Variants in TBC1D5 observed in about 807,000 individuals in gnomAD.
TBC1D5 encodes the protein TBC1 domain family member 5, also known as TBC1 domain family, member 5.
Under a neutral mutation model 100.3 loss-of-function variants are expected in TBC1D5, and 75 were observed. The observed-to-expected ratio is 0.75, with a 90% confidence interval of 0.62 to 0.91. The LOEUF (loss-of-function observed/expected upper bound fraction) is 0.91. Among genes scored for constraint, TBC1D5 ranks in the 40% least tolerant of loss-of-function variants. The probability of loss-of-function intolerance (pLI) is 0.00; values close to 1 mark genes in which losing one functional copy is unlikely to be tolerated. For missense variants in TBC1D5, 910 were observed against 942.4 expected (o/e 0.97, Z 0.45); for synonymous variants, 323 against 325.6 (o/e 0.99, Z 0.09).
chr3:17,497,167 T>G (rs2095722117), intron 3 of TBC1D5, among the ~76,000 whole-genome samples: 1 of 150,846 alleles, frequency 6.6e-6, no homozygotes, highest in African/African-American at 2.4e-5. Flanking sequence ...ATCTGGCTCC[T>G]TCTTGTTTGT....
chr3:17,308,271 A>T, intron 13 of TBC1D5, 137 bp from the exon 14 acceptor site: 1 of 828,120 alleles, frequency 1.2e-6, no homozygotes, highest in Non-Finnish European at 1.7e-6. Context: ...AATATAGTAA[A>T]ATCTATATTT....
rs553555574 is a variant in TBC1D5 at position 17,679,263 on chromosome 3, CAGA to C, written c.-100-55353_-100-55351del. On this transcript the variant is annotated intron_variant, in intron 1 of 21. Coordinates refer to ENST00000253692, the Ensembl canonical transcript of TBC1D5. ...CAACAGAGACCACACCCTCCTAAAA[CAGA>C]AGGTAAATGGAACAGGTAAAGAAAT... Among the ~76,000 whole-genome samples, 492 of 151,304 alleles carry C rather than the reference CAGA, an allele frequency of 3.3e-3. 11 individuals carry two copies. Among genetic ancestry groups the C allele is most frequent in the Non-Finnish European group, 1.4e-3 (95 of 67,986 alleles).
chr3:17,553,201 C>T (rs548869992), intron 2 of TBC1D5, among the ~76,000 whole-genome samples: 1 of 152,244 alleles, frequency 6.6e-6, no homozygotes, highest in South Asian at 2.1e-4. Flanking sequence ...TCCATAGTCA[C>T]TGTAAAGAGG....
intron 13 of TBC1D5, among the ~76,000 whole-genome samples, chr3:17,314,245 A>G (rs1205790977): frequency 1.3e-5 from 2 of 152,114 alleles, no homozygotes; most frequent in Non-Finnish European, 2.9e-5. Context: ...GGGGTTAAAA[A>G]TGTTTATTTA....
intron 13 of TBC1D5, among the ~76,000 whole-genome samples, chr3:17,329,189 T>C (rs771568020): frequency 1.3e-5 from 2 of 152,200 alleles, no homozygotes; most frequent in Non-Finnish European, 2.9e-5. Flanking sequence ...CTTAGGTCCT[T>C]TGTAATATCC....
exon 5 of TBC1D5, chr3:17,406,445 G>A (rs2093772467): frequency 1.2e-6 from 2 of 1,610,048 alleles, no homozygotes; most frequent in Non-Finnish European, 1.7e-6. Flanking sequence ...GGAACCTGCT[G>A]CTTCTCAGCT....
intron 1 of TBC1D5, among the ~76,000 whole-genome samples, chr3:17,725,760 T>C (rs2076071353): frequency 6.6e-6 from 1 of 152,208 alleles, no homozygotes. Flanking sequence ...GTTTGTCATA[T>C]ACGTAAACTG....
At chr3:17,376,204 A>ATC (rs2092701640) in intron 10 of TBC1D5, among the ~76,000 whole-genome samples, 1 of 152,128 alleles carries the variant, frequency 6.6e-6, no homozygotes. Flanking sequence ...ATTGAGCATG[A>ATC]TATATATGGA....
intron 15 of TBC1D5, among the ~76,000 whole-genome samples, chr3:17,269,214 C>A (rs1163933066): frequency 6.6e-6 from 1 of 152,102 alleles, no homozygotes; most frequent in East Asian, 1.9e-4. Flanking sequence ...CAGATAACAT[C>A]CAGTACCTCA....
chr3:17,335,762 T>G (rs1214684440), intron 13 of TBC1D5, among the ~76,000 whole-genome samples: 3 of 152,148 alleles, frequency 2.0e-5, no homozygotes, highest in African/African-American at 7.2e-5. Context: ...CTATTATGCT[T>G]GAGAATTCAA....
At chr3:17,722,669 A>G (rs2075797943) in intron 1 of TBC1D5, among the ~76,000 whole-genome samples, 1 of 152,206 alleles carries the variant, frequency 6.6e-6, no homozygotes, top group East Asian at 1.9e-4. Context: ...TACACCCACA[A>G]TACACCTGCA....
At chr3:17,706,506 TTACAATG>T in intron 1 of TBC1D5, among the ~76,000 whole-genome samples, 1 of 152,266 alleles carries the variant, frequency 6.6e-6, no homozygotes, top group South Asian at 2.1e-4. Context: ...TGCTTGACCC[TTACAATG>T]TATCATGTAC....
chr3:17,421,042 T>C (rs1481818495), intron 4 of TBC1D5, among the ~76,000 whole-genome samples: 1 of 152,200 alleles, frequency 6.6e-6, no homozygotes, highest in East Asian at 1.9e-4. Flanking sequence ...GGGTTGATAA[T>C]TAGGGCTGTG....
At chr3:17,280,103 G>C (rs1252928900) in intron 15 of TBC1D5, among the ~76,000 whole-genome samples, 1 of 152,174 alleles carries the variant, frequency 6.6e-6, no homozygotes, top group Non-Finnish European at 1.5e-5. Flanking sequence ...AAAAAACATT[G>C]TCTTCACGGA....
chr3:17,213,243 T>A (rs184793598), intron 18 of TBC1D5, among the ~76,000 whole-genome samples: 5 of 152,220 alleles, frequency 3.3e-5, no homozygotes, highest in Non-Finnish European at 7.3e-5. Context: ...ACAGCTTAGA[T>A]GTGTAGTAGG....
chr3:17,216,608 A>G (rs999231240), intron 17 of TBC1D5, among the ~76,000 whole-genome samples: 2 of 152,136 alleles, frequency 1.3e-5, no homozygotes, highest in Non-Finnish European at 2.9e-5. Flanking sequence ...TCCTATGCTT[A>G]TAAGGGCCTA....
At chr3:17,291,697 A>G (rs1324181784) in intron 15 of TBC1D5, among the ~76,000 whole-genome samples, 198 bp downstream of exon 15, 1 of 152,222 alleles carries the variant, frequency 6.6e-6, no homozygotes, top group African/African-American at 2.4e-5. Flanking sequence ...TTCTCATGGC[A>G]AGGTCTACCT....
chr3:17,528,173 C>A (rs376852026), intron 2 of TBC1D5, among the ~76,000 whole-genome samples: 2 of 152,274 alleles, frequency 1.3e-5, no homozygotes, highest in East Asian at 3.9e-4. Context: ...GATCCGCCCA[C>A]CTCAGCCTCC....
At chr3:17,631,357 G>A (rs111465814) in intron 1 of TBC1D5, among the ~76,000 whole-genome samples, 61 of 152,202 alleles carry the variant, frequency 4.0e-4, no homozygotes, top group Middle Eastern at 3.4e-3. Flanking sequence ...TGATTCCTAC[G>A]GTTGAAAAAA....
Sources: allele counts gnomAD v4.1 joint callset (sites outside exome capture counted in the v4.1 genomes callset), GRCh38; gene constraint gnomAD v4.1.1; transcripts MANE v1.5; gene names NCBI Gene and HGNC (gene_info 2026-07-23, HGNC 2026-07-21).